WNT4: variants seen among roughly 807,000 people sequenced by gnomAD.
The protein encoded by WNT4 is Wnt family member 4.
In WNT4, 16 loss-of-function variants were observed where a neutral mutation model predicts 34.5. That is an observed-to-expected ratio of 0.46 (90% CI 0.31 to 0.70). The LOEUF (loss-of-function observed/expected upper bound fraction) is 0.70, where lower values mean the gene tolerates loss of function less well. Among genes scored for constraint, WNT4 ranks in the 30% least tolerant of loss-of-function variants. The pLI is 0.04. For missense variants in WNT4, 379 were observed against 495.9 expected (o/e 0.76, Z 2.24); for synonymous variants, 200 against 211.9 (o/e 0.94, Z 0.49).
At chr1:22,124,179 G>A (rs554129647) in intron 2 of WNT4, among the ~76,000 whole-genome samples, 2 of 152,146 alleles carry the variant, frequency 1.3e-5, no homozygotes, top group African/African-American at 4.8e-5. Context: ...AGGTAGCAGC[G>A]GGGGGGTTCC....
chr1:22,126,554 A>G (rs768912769), intron 2 of WNT4, among the ~76,000 whole-genome samples: 8 of 152,218 alleles, frequency 5.3e-5, no homozygotes, highest in Non-Finnish European at 1.0e-4. Context: ...ACCTGACGTG[A>G]TAGCACACCA....
chr1:22,138,065 C>T (rs137919361), intron 1 of WNT4, among the ~76,000 whole-genome samples: 29 of 152,352 alleles, frequency 1.9e-4, no homozygotes, highest in African/African-American at 7.0e-4. Context: ...GTTTATGCCA[C>T]AGCCACGGCC....
At position 22,142,409 on chromosome 1, in the gene WNT4, C is replaced by T. The variant is rs964117951; in HGVS notation, c.77+437G>A. On this transcript the variant is annotated intron_variant, in intron 1 of 4. Coordinates refer to ENST00000290167, the MANE Select transcript of WNT4 (RefSeq NM_030761.5). This position sits in a 1 kb window ranked among gnomAD's most constrained non-coding sequence, Gnocchi z 6.0. ...CGCGGCGCAGCTCGGCGCAGCTCGG[C>T]GCTGGGAGCTCGCTCCGGACTTCTC... Among the ~76,000 whole-genome samples, 8 of 152,042 alleles carry T rather than the reference C, an allele frequency of 5.3e-5. No individual in the cohort carries two copies. The highest frequency in any genetic ancestry group is 5.9e-5 in the Non-Finnish European group (4 of 68,018).
rs1645866298 is a variant in WNT4, at chr1:22,118,519, C to G, written c.*1531G>C. 6.6e-6 allele frequency: 1 copy of G among 152,434 alleles called. No individual in the cohort carries two copies. The highest frequency in any genetic ancestry group is 1.5e-5 in the Non-Finnish European group (1 of 68,224). The allele number at this position is 152,434 out of a possible 1,614,324, so 9.4% of individuals were successfully genotyped here. A position where few individuals can be genotyped will look rare whatever the true frequency, so the allele number is the denominator to read the frequency against. ...GTCAGGCCCAGGTTGCTGGTGCTGTCTCTTGGGAAATCTTGCAGTACCTAT... is the reference window on the plus strand; with the variant it reads ...GTCAGGCCCAGGTTGCTGGTGCTGTGTCTTGGGAAATCTTGCAGTACCTAT... On this transcript the variant is annotated 3_prime_UTR_variant, in exon 5 of 5. Coordinates refer to ENST00000290167, the MANE Select transcript of WNT4 (RefSeq NM_030761.5).
chr1:22,133,335 G>C (rs1300075428), intron 1 of WNT4, among the ~76,000 whole-genome samples: 1 of 152,160 alleles, frequency 6.6e-6, no homozygotes, highest in African/African-American at 2.4e-5. Context: ...GAATGTGGGG[G>C]CTGCTGTGGT....
chr1:22,132,164 C>G (rs1292612398), intron 1 of WNT4, among the ~76,000 whole-genome samples: 3 of 152,192 alleles, frequency 2.0e-5, no homozygotes, highest in Non-Finnish European at 4.4e-5. Context: ...AGGAATTGAG[C>G]CTGACGTTGG....
chr1:22,128,869 G>A (rs1315676040), intron 2 of WNT4, among the ~76,000 whole-genome samples: 2 of 152,004 alleles, frequency 1.3e-5, no homozygotes, highest in East Asian at 1.9e-4. Flanking sequence ...ACAGGCGCCC[G>A]CCACCACGCC....
At chr1:22,127,718 ATTAC>A in intron 2 of WNT4, among the ~76,000 whole-genome samples, 1 of 152,334 alleles carries the variant, frequency 6.6e-6, no homozygotes, top group East Asian at 1.9e-4. Context: ...GGATATAGGA[ATTAC>A]TTGTCCTACT....
chr1:22,121,630 C>G, intron 2 of WNT4, 54 bp from the exon 3 acceptor site: 1 of 1,595,544 alleles, frequency 6.3e-7, no homozygotes, highest in Non-Finnish European at 8.5e-7. Context: ...TCCCTGCACC[C>G]TCCTTTGTAG....
chr1:22,123,038 TAGC>T (rs1013876465), intron 2 of WNT4, among the ~76,000 whole-genome samples: 5 of 152,228 alleles, frequency 3.3e-5, no homozygotes, highest in Admixed American at 1.3e-4. Context: ...TCGAGGTTAA[TAGC>T]AGGATCATGT....
intron 2 of WNT4, among the ~76,000 whole-genome samples, chr1:22,125,352 T>G (rs7526484): frequency 1.3e-5 from 2 of 151,962 alleles, no homozygotes; most frequent in East Asian, 3.9e-4. Context: ...CTGTAACTTA[T>G]AGCATCGAAA....
chr1:22,124,107 T>C (rs1378981318), intron 2 of WNT4, among the ~76,000 whole-genome samples: 2 of 152,208 alleles, frequency 1.3e-5, no homozygotes, highest in African/African-American at 4.8e-5. Context: ...GAGGAGGACC[T>C]GGCAGAGCAC....
At chr1:22,131,019 T>G (rs1645979708) in intron 1 of WNT4, among the ~76,000 whole-genome samples, 1 of 152,172 alleles carries the variant, frequency 6.6e-6, no homozygotes, top group Non-Finnish European at 1.5e-5. Flanking sequence ...GCACAGACAT[T>G]TTAAGTAATT....
At chr1:22,133,968 T>TA (rs1256585095) in intron 1 of WNT4, among the ~76,000 whole-genome samples, 4 of 152,164 alleles carry the variant, frequency 2.6e-5, no homozygotes, top group Non-Finnish European at 4.4e-5. Flanking sequence ...GCTTGCTTTT[T>TA]AAAAAAAATA....
chr1:22,129,065 C>T (rs995627596), intron 2 of WNT4, among the ~76,000 whole-genome samples: 1 of 152,188 alleles, frequency 6.6e-6, no homozygotes, highest in African/African-American at 2.4e-5. Context: ...AGTTACTTAA[C>T]CTCCATGTGC....
In WNT4 at chr1:22,140,284, C is replaced by A; in HGVS notation, c.77+2562G>T. On this transcript the variant is annotated intron_variant, in intron 1 of 4. Coordinates refer to ENST00000290167, the MANE Select transcript of WNT4 (RefSeq NM_030761.5). The surrounding 1 kb of genome is among the most constrained non-coding windows in gnomAD (Gnocchi z 5.9). Reference sequence around the variant, plus strand: ...TTCCTTCTAGAGGCAGCTTTTCAGTCGGACACCTCTGGCATTTACCAGCTG... The same window carrying A: ...TTCCTTCTAGAGGCAGCTTTTCAGTAGGACACCTCTGGCATTTACCAGCTG... 1 of 985,458 alleles carries A rather than the reference C, an allele frequency of 1.0e-6. No individual in the cohort carries two copies. The highest frequency in any genetic ancestry group is 1.2e-6 in the Non-Finnish European group (1 of 829,930). The allele number at this position is 985,458 out of a possible 1,614,324, so 61.0% of individuals were successfully genotyped here.
At chr1:22,121,389 G>GT (rs1645896896) in intron 3 of WNT4, 36 bp from the exon 4 acceptor site, 1 of 1,613,792 alleles carries the variant, frequency 6.2e-7, no homozygotes, top group Admixed American at 1.7e-5. Context: ...GCTGCGGTGA[G>GT]TGAGGGCCAG....
chr1:22,131,468 T>C (rs1367533537), intron 1 of WNT4, among the ~76,000 whole-genome samples: 1 of 152,102 alleles, frequency 6.6e-6, no homozygotes, highest in Admixed American at 6.5e-5. Context: ...TCTGCATAAG[T>C]ATGGGTAATG....
At position 22,140,111 on chromosome 1, in the gene WNT4, G is replaced by T; in HGVS notation, c.77+2735C>A. ...CCAGCAGACCCACCCTGGACTCCAG[G>T]GTATTGGGAGGCGAGCGGAACCTAG... On this transcript the variant is annotated intron_variant, in intron 1 of 4. Coordinates refer to ENST00000290167, the MANE Select transcript of WNT4 (RefSeq NM_030761.5). This position sits in a 1 kb window ranked among gnomAD's most constrained non-coding sequence, Gnocchi z 5.9. 1 of 914,078 alleles carries T rather than the reference G, an allele frequency of 1.1e-6. No homozygotes were observed. Among genetic ancestry groups the T allele is most frequent in the Non-Finnish European group, 1.3e-6 (1 of 764,750 alleles). 56.6% of individuals were successfully genotyped at this position (914,078 alleles called of 1,614,324 possible). A position where few individuals can be genotyped will look rare whatever the true frequency, so the allele number is the denominator to read the frequency against.
Sources: gnomAD v4.1 joint callset for allele counts (sites outside exome capture counted in the v4.1 genomes callset) on GRCh38, gnomAD v4.1.1 for gene constraint, Gnocchi (gnomAD v3.1) non-coding constraint, MANE v1.5 for transcripts, NCBI Gene and HGNC (gene_info 2026-07-23, HGNC 2026-07-21) for gene names.